Variants in PTPRG observed in about 807,000 individuals in gnomAD.
PTPRG encodes receptor-type tyrosine-protein phosphatase gamma.
In PTPRG, 102 loss-of-function variants were observed where a neutral mutation model predicts 165.3. The observed-to-expected ratio is 0.62, with a 90% CI of 0.53 to 0.73. The LOEUF is 0.73. Among genes scored for constraint, PTPRG ranks in the 30% least tolerant of loss-of-function variants. The probability of loss-of-function intolerance (pLI) is 0.00; values close to 1 mark genes in which losing one functional copy is unlikely to be tolerated. For synonymous variants in PTPRG, 675 were observed against 669.5 expected (o/e 1.01, Z -0.13); for missense variants, 1,866 against 1,861.4 (o/e 1.00, Z -0.05).
intron 27 of PTPRG, among the ~76,000 whole-genome samples, chr3:62,282,186 T>C (rs1015739024): frequency 5.3e-5 from 8 of 151,970 alleles, no homozygotes; most frequent in Admixed American, 5.3e-4. Context: ...CTTTAATAAT[T>C]TATTGTCACT....
At chr3:62,128,852 A>T (rs1225328063) in intron 5 of PTPRG, among the ~76,000 whole-genome samples, 1 of 151,578 alleles carries the variant, frequency 6.6e-6, no homozygotes, top group African/African-American at 2.4e-5. Context: ...TGGCAAATTG[A>T]TTGAAACAGT....
At chr3:62,115,727 A>G (rs1364164767) in intron 5 of PTPRG, among the ~76,000 whole-genome samples, 2 of 151,778 alleles carry the variant, frequency 1.3e-5, no homozygotes, top group South Asian at 2.1e-4. Flanking sequence ...TGCAGAGACA[A>G]GGGTTTTCCA....
Position 61,738,297 on chromosome 3 carries a change from TATATATATATATATAC to T in PTPRG, c.86-10565_86-10550del, listed in dbSNP as rs1425805744. 2.9e-3 allele frequency among the ~76,000 whole-genome samples: 235 copies of T among 79,698 alleles called. 5 individuals carry two copies. Among genetic ancestry groups the T allele is most frequent in the Middle Eastern group, 0.016 (3 of 186 alleles). The allele number at this position is 79,698 out of a possible 152,430, so 52.3% of individuals were successfully genotyped here. On this transcript the variant is annotated intron_variant, in intron 1 of 29. Coordinates refer to ENST00000474889, the MANE Select transcript of PTPRG (RefSeq NM_002841.4). Reference sequence around the variant, plus strand: ...ATATATACATATATATATATATATATATATATATATATATACATATATATATATATATATATATATG... The same window carrying T: ...ATATATACATATATATATATATATATATATATATATATATATATATATATG...
chr3:61,814,943 G>C (rs2035708935), intron 2 of PTPRG, among the ~76,000 whole-genome samples: 1 of 151,942 alleles, frequency 6.6e-6, no homozygotes, highest in South Asian at 2.1e-4. Context: ...GCTTAGAGTG[G>C]CCAGTGGTAG....
intron 2 of PTPRG, among the ~76,000 whole-genome samples, chr3:61,792,724 CTTTCTTTCTTTCT>C (rs2034922857): frequency 1.6e-5 from 1 of 63,536 alleles, no homozygotes; most frequent in Non-Finnish European, 3.2e-5. Flanking sequence ...TTCTTTCTTT[CTTTCTTTCTTTCT>C]TTCTTTCTTT....
At chr3:61,875,489 G>C (rs185965275) in intron 2 of PTPRG, among the ~76,000 whole-genome samples, 3 of 152,172 alleles carry the variant, frequency 2.0e-5, no homozygotes, top group Non-Finnish European at 2.9e-5. Context: ...GGGAAACTGG[G>C]AAGTGTTTCA....
intron 4 of PTPRG, among the ~76,000 whole-genome samples, chr3:62,003,880 G>A (rs1427052584): frequency 1.3e-5 from 2 of 152,202 alleles, no homozygotes; most frequent in South Asian, 2.1e-4. Context: ...ATGAAGAGGA[G>A]TCTCTCTCAG....
chr3:62,031,775 G>A (rs1699777160), intron 4 of PTPRG, among the ~76,000 whole-genome samples: 3 of 152,164 alleles, frequency 2.0e-5, no homozygotes, highest in African/African-American at 4.8e-5. Context: ...ACAATTCTTG[G>A]TGTTAGTTAT....
At position 61,660,218 on chromosome 3, in the gene PTPRG, C is replaced by T. The variant is rs971095177; in HGVS notation, c.86-88660C>T. On this transcript the variant is annotated intron_variant, in intron 1 of 29. Transcript: ENST00000474889. ...CCAGCCTGGCGACACAGTGAGACTC[C>T]GTCTCAAAAAACAAACAAAAATGAA... 5.3e-5 allele frequency among the ~76,000 whole-genome samples: 8 copies of T among 151,988 alleles called. No individual in the cohort carries two copies. The East Asian group carries it at 7.7e-4, about 15-fold the overall frequency.
At chr3:62,060,654 G>A (rs1489883377) in intron 4 of PTPRG, among the ~76,000 whole-genome samples, 3 of 152,140 alleles carry the variant, frequency 2.0e-5, no homozygotes, top group African/African-American at 7.2e-5. Context: ...TGTTGTTGTT[G>A]TCTTGTATTT....
chr3:61,825,314 G>A (rs185591398), intron 2 of PTPRG, among the ~76,000 whole-genome samples: 98 of 152,240 alleles, frequency 6.4e-4, no homozygotes, highest in African/African-American at 2.1e-3. Context: ...TGCTTCAAGT[G>A]TAAGACTGGT....
intron 7 of PTPRG, among the ~76,000 whole-genome samples, chr3:62,167,386 G>T (rs542890183): frequency 3.3e-5 from 5 of 152,306 alleles, no homozygotes; most frequent in African/African-American, 1.2e-4. Context: ...TAATATTTAT[G>T]AAGCTCTTAT....
At chr3:62,200,681 G>C (rs1341797408) in intron 10 of PTPRG, among the ~76,000 whole-genome samples, 1 of 152,084 alleles carries the variant, frequency 6.6e-6, no homozygotes, top group Non-Finnish European at 1.5e-5. Flanking sequence ...AGAGCTACAG[G>C]AAGAAATAAA....
intron 2 of PTPRG, among the ~76,000 whole-genome samples, chr3:61,807,670 G>C (rs968498468): frequency 6.6e-6 from 1 of 152,158 alleles, no homozygotes; most frequent in African/African-American, 2.4e-5. Flanking sequence ...TTGTGTAAAT[G>C]CCATCTTGAT....
At position 61,944,724 on chromosome 3, in the gene PTPRG, C is replaced by G. The variant is rs80047462; in HGVS notation, c.191-44901C>G. Among the ~76,000 whole-genome samples the G allele has an allele frequency of 1.4e-3, 206 of 152,260 alleles. 2 individuals are homozygous for G. Among genetic ancestry groups the G allele is most frequent in the African/African-American group, 4.5e-3 (188 of 41,558 alleles). Reference sequence around the variant, plus strand: ...CTTTTTCAATTTTAATATAGTCTATCCCACTGGAATGTACTATCACTGGCA... The same window carrying G: ...CTTTTTCAATTTTAATATAGTCTATGCCACTGGAATGTACTATCACTGGCA... On this transcript the variant is annotated intron_variant, in intron 2 of 29. Coordinates refer to ENST00000474889, the MANE Select transcript of PTPRG (RefSeq NM_002841.4).
At chr3:62,104,778 G>T (rs1484106259) in intron 5 of PTPRG, among the ~76,000 whole-genome samples, 1 of 152,162 alleles carries the variant, frequency 6.6e-6, no homozygotes, top group Non-Finnish European at 1.5e-5. Context: ...ACAAAAGCTG[G>T]AACTGATGGT....
At chr3:61,842,949 C>T (rs922961855) in intron 2 of PTPRG, among the ~76,000 whole-genome samples, 13 of 152,282 alleles carry the variant, frequency 8.5e-5, no homozygotes, top group Middle Eastern at 3.4e-3. Context: ...CGGCCACCAT[C>T]ATTATTAATA....
chr3:62,191,586 C>T lies in PTPRG; in HGVS notation c.1151C>T (p.Ser384Phe). Residue 384 changes from serine (S) to phenylalanine (F), a missense_variant, in exon 9 of 30, where the codon TCC (serine) becomes TTC (phenylalanine). Coordinates refer to ENST00000474889, the MANE Select transcript of PTPRG (RefSeq NM_002841.4). ...YHPPIMNYMI[S>F]YSWTKNEDEK... Reference sequence around the variant, plus strand: ...CCACCCATCATGAACTACATGATCTCCTACAGCTGGACCAAGAATGAGGAC... The same window carrying T: ...CCACCCATCATGAACTACATGATCTTCTACAGCTGGACCAAGAATGAGGAC... The T allele has an allele frequency of 6.2e-7, 1 of 1,614,124 alleles. No homozygotes were observed. Among genetic ancestry groups the T allele is most frequent in the Non-Finnish European group, 8.5e-7 (1 of 1,180,014 alleles).
At chr3:61,579,938 A>G (rs1700248500) in intron 1 of PTPRG, among the ~76,000 whole-genome samples, 1 of 152,214 alleles carries the variant, frequency 6.6e-6, no homozygotes, top group African/African-American at 2.4e-5. Context: ...TCTTCAATAA[A>G]TGTCTTAGAA....
Sources: gnomAD v4.1 joint callset for allele counts (sites outside exome capture counted in the v4.1 genomes callset) on GRCh38, gnomAD v4.1.1 for gene constraint, MANE v1.5 for transcripts, NCBI Gene and HGNC (gene_info 2026-07-23, HGNC 2026-07-21) for gene names.